The following ZNF490 variants were observed in gnomAD, a reference collection of about 807,000 sequenced individuals.
ZNF490 encodes zinc finger protein 490.
Under a neutral mutation model 17.7 loss-of-function variants are expected in ZNF490, and 11 were observed. The observed-to-expected ratio is 0.62, with a 90% CI of 0.39 to 1.03. The LOEUF (loss-of-function observed/expected upper bound fraction) is 1.03. Ranked by LOEUF, ZNF490 falls within the 50% of genes least tolerant of loss-of-function variation. The pLI is 0.00. For missense variants in ZNF490, 542 were observed against 643.4 expected (o/e 0.84, Z 1.71); for synonymous variants, 222 against 216.1 (o/e 1.03, Z -0.24).
At position 12,586,300 on chromosome 19, in the gene ZNF490, AAAAAT is replaced by A. The variant is rs972044002; in HGVS notation, c.163-2749_163-2745del. Among the ~76,000 whole-genome samples the A allele has an allele frequency of 9.7e-5, 9 of 92,994 alleles. 2 individuals are homozygous for A. The highest frequency in any genetic ancestry group is 1.7e-4 in the Non-Finnish European group (6 of 34,732). The allele number at this position is 92,994 out of a possible 152,430, so 61.0% of individuals were successfully genotyped here. ...GGCGACAGAGCGAAACTCCACCTCA[AAAAAT>A]AAAATAAAATAAAATAAAATAAAAC... On this transcript the variant is annotated intron_variant, in intron 2 of 4. Transcript: ENST00000311437.
chr19:12,596,622 G>GC (rs1281373144), intron 2 of ZNF490, among the ~76,000 whole-genome samples: 2 of 152,034 alleles, frequency 1.3e-5, no homozygotes, highest in African/African-American at 4.8e-5. Flanking sequence ...GTTTGATGGC[G>GC]CCACCGCACT....
Position 12,580,657 on chromosome 19 carries a change from G to A in ZNF490, c.1418C>T (p.Pro473Leu). Residue 473 changes from proline (P) to leucine (L), a missense_variant, in exon 5 of 5, where the codon CCA (proline) becomes CTA (leucine). Transcript: ENST00000311437. ...RHERSHTGVK[P>L]CECKQCGKAF... is the part of the protein sequence containing the mutation. ...TTTGCCACACTGCTTACACTCACATGGTTTCACTCCAGTGTGACTTCTTTC... is the reference window on the plus strand; with the variant it reads ...TTTGCCACACTGCTTACACTCACATAGTTTCACTCCAGTGTGACTTCTTTC... 2 of 1,614,176 alleles carry A rather than the reference G, an allele frequency of 1.2e-6. No homozygotes were observed. Among genetic ancestry groups the A allele is most frequent in the East Asian group, 2.2e-5 (1 of 44,884 alleles).
At chr19:12,600,687 T>C (rs1362767550) in intron 2 of ZNF490, among the ~76,000 whole-genome samples, 1 of 152,140 alleles carries the variant, frequency 6.6e-6, no homozygotes, top group Non-Finnish European at 1.5e-5. Context: ...AACTTTGTCA[T>C]CCATAAATAA....
At chr19:12,593,279 G>A (rs768559264) in intron 2 of ZNF490, among the ~76,000 whole-genome samples, 3 of 149,800 alleles carry the variant, frequency 2.0e-5, no homozygotes, top group Admixed American at 6.7e-5. Flanking sequence ...ATGAAGTCTC[G>A]CTCTGTTGCC....
rs796408387 is a variant in ZNF490 at position 12,591,832 on chromosome 19, C to CA, written c.163-8277dup. Among the ~76,000 whole-genome samples the CA allele has an allele frequency of 7.7e-3, 818 of 106,672 alleles. 3 individuals are homozygous for CA. The highest frequency in any genetic ancestry group is 0.023 in the Middle Eastern group (4 of 174). The allele number at this position is 106,672 out of a possible 152,430, so 70.0% of individuals were successfully genotyped here. A position where few individuals can be genotyped will look rare whatever the true frequency, so the allele number is the denominator to read the frequency against. On this transcript the variant is annotated intron_variant, in intron 2 of 4. Coordinates refer to ENST00000311437, the MANE Select transcript of ZNF490 (RefSeq NM_020714.3). Reference sequence around the variant, plus strand: ...TCCCACTTTGAAAGGCAGACAGTTACAAAAAAAAAAAAAACACACTCTTAA... The same window carrying CA: ...TCCCACTTTGAAAGGCAGACAGTTACAAAAAAAAAAAAAAACACACTCTTAA...
rs200930919 is a variant in ZNF490, at chr19:12,580,808, A to G, written c.1267T>C (p.Cys423Arg). 1 of 1,614,210 alleles carries G rather than the reference A, an allele frequency of 6.2e-7. No individual in the cohort carries two copies. The highest frequency in any genetic ancestry group is 8.5e-7 in the Non-Finnish European group (1 of 1,180,036). The part of the protein sequence containing the change: ...TGEKTYECKE[C>R]GKAFLYSTHF... ...GTGGAATAAAGAAAGGCTTTACCAC[A>G]TTCTTTACATTCGTAAGTTTTCTCG... is the stretch of plus-strand genomic sequence containing the variant. The change falls in exon 5 of 5, where the codon TGT (cysteine) becomes CGT (arginine). Residue 423 changes from cysteine (C) to arginine (R), a missense_variant. Transcript: ENST00000311437.
chr19:12,581,441 G>A lies in ZNF490; in HGVS notation c.634C>T (p.His212Tyr). The change falls in exon 5 of 5, where the codon CAT becomes TAT. Residue 212 changes from histidine to tyrosine, a missense_variant. Coordinates refer to ENST00000311437, the MANE Select transcript of ZNF490 (RefSeq NM_020714.3). ...TTCTCTCCAGTGTGAATTCTTTCAT[G>A]GGTTCGAATACTGGAGCTGCGAGTG... ...TFTRSSSIRT[H>Y]ERIHTGEKPY... 1.2e-6 allele frequency: 2 copies of A among 1,614,202 alleles called. No individual in the cohort carries two copies. Among genetic ancestry groups the A allele is most frequent in the Non-Finnish European group, 1.7e-6 (2 of 1,180,036 alleles).
chr19:12,590,577 GAAAT>G (rs2022858600), intron 2 of ZNF490, among the ~76,000 whole-genome samples: 1 of 151,996 alleles, frequency 6.6e-6, no homozygotes. Context: ...AAAAGAAAAA[GAAAT>G]AAAAGATATA....
At position 12,576,666 on chromosome 19, in the gene ZNF490, A is replaced by T. The variant is rs1311658698; in HGVS notation, c.*3819T>A. On this transcript the variant is annotated 3_prime_UTR_variant, in exon 5 of 5. Transcript: ENST00000311437. ...CCATCTCTACTAAAAATACAAAAAA[A>T]TTTAGCTGGTTGTGGTGGCACGCGC... Among the ~76,000 whole-genome samples the T allele has an allele frequency of 6.6e-6, 1 of 150,604 alleles. No individual in the cohort carries two copies.
At chr19:12,581,850 G>A (rs1359252765) in intron 4 of ZNF490, 126 bp from the exon 5 acceptor site, 2 of 879,778 alleles carry the variant, frequency 2.3e-6, no homozygotes, top group Non-Finnish European at 3.4e-6. Context: ...TGTCTAAATT[G>A]TTTTGAAAGC....
intron 2 of ZNF490, among the ~76,000 whole-genome samples, chr19:12,584,303 C>A (rs1382903326): frequency 1.1e-5 from 1 of 89,456 alleles, no homozygotes; most frequent in East Asian, 2.1e-4. Context: ...ACTACAGGCG[C>A]GTGCCACCAC....
At chr19:12,602,770 G>A (rs577742043) in intron 2 of ZNF490, among the ~76,000 whole-genome samples, 94 of 151,810 alleles carry the variant, frequency 6.2e-4, no homozygotes, top group African/African-American at 2.2e-3. Flanking sequence ...GCCTACAGGT[G>A]CGCACCACCA....
At chr19:12,592,872 A>G (rs866706999) in intron 2 of ZNF490, among the ~76,000 whole-genome samples, 40 of 152,252 alleles carry the variant, frequency 2.6e-4, no homozygotes, top group South Asian at 8.3e-4. Context: ...ACAAAAATAA[A>G]GTCTACTAGA....
intron 2 of ZNF490, among the ~76,000 whole-genome samples, chr19:12,599,705 G>A (rs2022978333): frequency 6.6e-6 from 1 of 152,210 alleles, no homozygotes; most frequent in Non-Finnish European, 1.5e-5. Flanking sequence ...GGTGTGTAAG[G>A]AAAGTAGAGT....
intron 2 of ZNF490, among the ~76,000 whole-genome samples, chr19:12,604,618 T>A (rs1183749961): frequency 6.6e-6 from 1 of 150,672 alleles, no homozygotes; most frequent in South Asian, 2.1e-4. Flanking sequence ...GCCAAGATTG[T>A]GCCACTGCAC....
At chr19:12,583,369 T>C (rs2022764844) in intron 3 of ZNF490, 61 bp downstream of exon 3, 7 of 1,503,448 alleles carry the variant, frequency 4.7e-6, no homozygotes, top group Non-Finnish European at 6.3e-6. Context: ...TGGAACTCAG[T>C]TGTTGTGCAA....
At chr19:12,608,427 C>G (rs2023098950) in intron 2 of ZNF490, among the ~76,000 whole-genome samples, 1 of 150,924 alleles carries the variant, frequency 6.6e-6, no homozygotes, top group South Asian at 2.1e-4. Context: ...GCCACCATGC[C>G]CAGCTAATTT....
chr19:12,597,232 A>G (rs2022945775), intron 2 of ZNF490: 1 of 457,380 alleles, frequency 2.2e-6, no homozygotes, highest in African/African-American at 2.0e-5. Flanking sequence ...AAGCATACGC[A>G]GAGCCACAGA....
chr19:12,598,670 C>T (rs1057295159), intron 2 of ZNF490, among the ~76,000 whole-genome samples: 2 of 151,264 alleles, frequency 1.3e-5, no homozygotes, highest in African/African-American at 4.8e-5. Context: ...AACCACCATG[C>T]CCGTCAATAA....
Sources: allele counts gnomAD v4.1 joint callset (sites outside exome capture counted in the v4.1 genomes callset), GRCh38; gene constraint gnomAD v4.1.1; transcripts MANE v1.5; gene names NCBI Gene and HGNC (gene_info 2026-07-23, HGNC 2026-07-21).